Variants in CNNM2 observed in about 807,000 individuals in gnomAD.
The protein encoded by CNNM2 is cyclin and CBS domain divalent metal cation transport mediator 2, also known as metal transporter CNNM2.
CNNM2 carries 12 observed loss-of-function variants against 66.9 expected under a neutral mutation model. The ratio of observed to expected loss-of-function variants is 0.18; its 90% CI spans 0.11 to 0.29. The LOEUF is 0.29. Among genes scored for constraint, CNNM2 ranks in the 10% least tolerant of loss-of-function variants. CNNM2 has a pLI of 1.00. For missense variants in CNNM2, 705 were observed against 1,167.7 expected, an observed-to-expected ratio of 0.60 and a Z score of 5.77; for synonymous variants, 557 against 501.8, an observed-to-expected ratio of 1.11 and a Z score of -1.47.
intron 1 of CNNM2, among the ~76,000 whole-genome samples, chr10:102,982,641 T>C (rs1183948452): frequency 6.6e-6 from 1 of 152,220 alleles, no homozygotes; most frequent in Non-Finnish European, 1.5e-5. Flanking sequence ...CTTTAGGGCT[T>C]TCCGATATAA....
chr10:102,950,981 C>CTTTTTTTTTTTTTTTTT (rs34870588), intron 1 of CNNM2, among the ~76,000 whole-genome samples: 1 of 80,458 alleles, frequency 1.2e-5, no homozygotes, highest in Non-Finnish European at 2.3e-5. Context: ...CTTTCTTTCT[C>CTTTTTTTTTTTTTTTTT]TTTTTTTTTT....
At chr10:102,989,856 T>C (rs2063864909) in intron 1 of CNNM2, among the ~76,000 whole-genome samples, 1 of 152,130 alleles carries the variant, frequency 6.6e-6, no homozygotes, top group African/African-American at 2.4e-5. Context: ...TGTTTAACTA[T>C]AGGGCTTCTA....
chr10:102,947,490 C>T (rs1023001155), intron 1 of CNNM2, among the ~76,000 whole-genome samples: 7 of 152,260 alleles, frequency 4.6e-5, no homozygotes, highest in African/African-American at 1.2e-4. Flanking sequence ...CAGTGGCTCG[C>T]GCCTGTAATT....
chr10:103,035,320 G>C (rs2064915611), intron 1 of CNNM2, among the ~76,000 whole-genome samples: 1 of 152,112 alleles, frequency 6.6e-6, no homozygotes, highest in South Asian at 2.1e-4. Context: ...ACATGAGAAG[G>C]TTCCCATCAT....
intron 4 of CNNM2, 113 bp downstream of exon 4, chr10:103,057,077 C>G: frequency 9.8e-7 from 1 of 1,016,458 alleles, no homozygotes; most frequent in South Asian, 1.7e-5. Flanking sequence ...AGGGGGTAGC[C>G]TTAGACATGG....
chr10:102,923,004 C>T (rs925310426), intron 1 of CNNM2, among the ~76,000 whole-genome samples: 1 of 151,350 alleles, frequency 6.6e-6, no homozygotes, highest in East Asian at 1.9e-4. Flanking sequence ...TGAAGACTTT[C>T]CTGTATATAG....
chr10:102,997,576 T>C (rs904719130), intron 1 of CNNM2, among the ~76,000 whole-genome samples: 1 of 152,148 alleles, frequency 6.6e-6, no homozygotes, highest in Non-Finnish European at 1.5e-5. Flanking sequence ...TTGTCTAAAA[T>C]GTGGAAGTCA....
At chr10:103,060,712 A>G in intron 4 of CNNM2, among the ~76,000 whole-genome samples, 1 of 152,232 alleles carries the variant, frequency 6.6e-6, no homozygotes, top group African/African-American at 2.4e-5. Context: ...ATCTACATGA[A>G]ATATCTTCAG....
Position 103,089,370 on chromosome 10 carries a change from A to G in CNNM2, c.*12190A>G, listed in dbSNP as rs1351758301. On this transcript the variant is annotated 3_prime_UTR_variant, in exon 8 of 8. Coordinates refer to ENST00000369878, the MANE Select transcript of CNNM2 (RefSeq NM_017649.5). ...TCCTCGTGTATCCAGATACACTGAC[A>G]TACGGATGATTTTAAAAGTGTCACA... is the stretch of plus-strand genomic sequence containing the variant. 1 of 293,692 alleles carries G rather than the reference A, an allele frequency of 3.4e-6. No individual in the cohort carries two copies. The highest frequency in any genetic ancestry group is 2.1e-5 in the African/African-American group (1 of 46,956). 18.2% of individuals were successfully genotyped at this position (293,692 alleles called of 1,614,324 possible).
At chr10:103,005,637 G>A (rs545942026) in intron 1 of CNNM2, among the ~76,000 whole-genome samples, 25 of 152,148 alleles carry the variant, frequency 1.6e-4, no homozygotes, top group Admixed American at 1.4e-3. Context: ...CAACAAGAGC[G>A]AAACTCCGTC....
intron 1 of CNNM2, among the ~76,000 whole-genome samples, chr10:102,973,180 T>G (rs2063572251): frequency 6.6e-6 from 1 of 152,182 alleles, no homozygotes. Flanking sequence ...GAGTGGTCTC[T>G]TCTCTTCTAG....
rs1174099931 is a variant in CNNM2, at chr10:103,088,395, A to AT, written c.*11221dup. 6.6e-6 allele frequency: 1 copy of AT among 152,080 alleles called. No homozygotes were observed. The highest frequency in any genetic ancestry group is 1.5e-5 in the Non-Finnish European group (1 of 68,012). The allele number at this position is 152,080 out of a possible 1,614,324, so 9.4% of individuals were successfully genotyped here. On this transcript the variant is annotated 3_prime_UTR_variant, in exon 8 of 8. Transcript: ENST00000369878. ...ATTTCGACTTGGGATTGGGATTTTTATTTTTTGAGATGGAGTTTTGTTCTT... is the reference window on the plus strand; with the variant it reads ...ATTTCGACTTGGGATTGGGATTTTTATTTTTTTGAGATGGAGTTTTGTTCTT...
intron 1 of CNNM2, among the ~76,000 whole-genome samples, chr10:102,960,167 C>G (rs1275397210): frequency 6.6e-6 from 1 of 152,092 alleles, no homozygotes; most frequent in Non-Finnish European, 1.5e-5. Context: ...CAGCACAGTG[C>G]CTGACGCATG....
intron 1 of CNNM2, among the ~76,000 whole-genome samples, chr10:103,003,116 CTTT>C (rs34041397): frequency 2.8e-5 from 4 of 142,026 alleles, no homozygotes; most frequent in Non-Finnish European, 4.6e-5. Flanking sequence ...ATGTGTGAAT[CTTT>C]TTTTTTTTTT....
intron 1 of CNNM2, among the ~76,000 whole-genome samples, chr10:102,937,381 A>G (rs1305347214): frequency 6.6e-6 from 1 of 152,220 alleles, no homozygotes; most frequent in Non-Finnish European, 1.5e-5. Flanking sequence ...CAAAAAAAAA[A>G]AAATGTTTTG....
intron 1 of CNNM2, among the ~76,000 whole-genome samples, chr10:102,983,196 A>T (rs1309587305): frequency 6.6e-6 from 1 of 151,738 alleles, no homozygotes; most frequent in Non-Finnish European, 1.5e-5. Context: ...TATATTTCTT[A>T]TTAATGACAA....
chr10:102,919,288 G>A lies in CNNM2; in HGVS notation c.808G>A (p.Gly270Ser). The A allele has an allele frequency of 6.2e-7, 1 of 1,613,912 alleles. No individual in the cohort carries two copies. The highest frequency in any genetic ancestry group is 1.7e-5 in the Admixed American group (1 of 60,022). ...IFISLLLCLS[G>S]MFSGLNLGLM... The stretch of plus-strand genomic sequence containing the variant: ...CATTTCGCTGCTGCTGTGCCTGTCG[G>A]GCATGTTCAGCGGCCTCAACCTGGG... The change falls in exon 1 of 8, where the codon GGC becomes AGC. Residue 270 changes from glycine to serine, a missense_variant. Gly to Ser is a moderately conservative substitution (Grantham distance 56). Around this residue, in one of 9 missense-constraint regions of CNNM2, gnomAD observed 49 missense variants for 183.7 expected, o/e 0.27. Transcript: ENST00000369878.
chr10:102,969,951 G>A (rs975557776), intron 1 of CNNM2, among the ~76,000 whole-genome samples: 7 of 152,128 alleles, frequency 4.6e-5, no homozygotes, highest in African/African-American at 1.7e-4. Context: ...CTTATTAACT[G>A]TATTTTTTTC....
At position 102,918,666 on chromosome 10, in the gene CNNM2, C is replaced by G; in HGVS notation, c.186C>G (p.Gly62=). Reference sequence around the variant, plus strand: ...TGAGCTGCTGCTGCGGTGCGGGCGGCTGCGCAGCGGTGGGCGAGAATGAGG... The same window carrying G: ...TGAGCTGCTGCTGCGGTGCGGGCGGGTGCGCAGCGGTGGGCGAGAATGAGG... ...LLLSCCCGAG[G]CAAVGENEET... The change falls in exon 1 of 8, where the codon GGC becomes GGG. Residue 62 remains glycine, a synonymous_variant. Coordinates refer to ENST00000369878, the MANE Select transcript of CNNM2 (RefSeq NM_017649.5). This position sits in a 1 kb window ranked among gnomAD's most constrained non-coding sequence, Gnocchi z 4.1. 1 of 1,550,334 alleles carries G rather than the reference C, an allele frequency of 6.5e-7. No homozygotes were observed. Among genetic ancestry groups the G allele is most frequent in the Admixed American group, 2.0e-5 (1 of 50,896 alleles).
Sources: allele counts gnomAD v4.1 joint callset (sites outside exome capture counted in the v4.1 genomes callset), GRCh38; gene constraint gnomAD v4.1.1; regional missense constraint gnomAD v4.1.1; non-coding constraint Gnocchi (gnomAD v3.1); transcripts MANE v1.5; gene names NCBI Gene and HGNC (gene_info 2026-07-23, HGNC 2026-07-21).